DMD: variants seen among roughly 807,000 people sequenced by gnomAD.
DMD encodes the protein mutant dystrophin.
In DMD, 63 loss-of-function variants were observed where a neutral mutation model predicts 330.1. The observed-to-expected ratio is 0.19, with a 90% CI of 0.16 to 0.24. The LOEUF (loss-of-function observed/expected upper bound fraction) is 0.24. Among genes scored for constraint, DMD ranks in the 10% least tolerant of loss-of-function variants. The pLI, the probability that DMD is intolerant of heterozygous loss-of-function variation, is 1.00. For missense variants in DMD, 3,344 were observed against 2,684.1 expected (o/e 1.25, Z -5.43); for synonymous variants, 1,223 against 959.8 (o/e 1.27, Z -5.07).
rs1046148925 is a variant in DMD, at chrX:32,545,286, C to T, written c.2041G>A (p.Val681Ile). The T allele has an allele frequency of 1.7e-6, 2 of 1,210,791 alleles. No homozygotes were observed. The highest frequency in any genetic ancestry group is 1.7e-5 in the African/African-American group (1 of 57,689). Residue 681 changes from valine to isoleucine, a missense_variant, in exon 17 of 79, where the codon GTA becomes ATA. Physicochemically the swap from Val to Ile is conservative, Grantham distance 29. Coordinates refer to ENST00000357033, the MANE Select transcript of DMD (RefSeq NM_004006.3). ...GTCACCGTAGTTACTGTTTCCATTA[C>T]AGTTGTCTGTGTTAGTGATGGCTGA... ...TTQPSLTQTTVMETVTTVTTR... is the reference protein window; with the variant it reads ...TTQPSLTQTTIMETVTTVTTR...
intron 26 of DMD, among the ~76,000 whole-genome samples, chrX:32,451,017 C>A (rs1267198840): frequency 9.0e-6 from 1 of 110,791 alleles, no homozygotes; most frequent in Non-Finnish European, 1.9e-5. Context: ...CTATACAAAT[C>A]CTCATAAAAA....
intron 13 of DMD, among the ~76,000 whole-genome samples, chrX:32,587,496 G>T (rs1870765424): frequency 8.9e-6 from 1 of 111,769 alleles, no homozygotes; most frequent in Non-Finnish European, 1.9e-5. Context: ...TATTCAGATT[G>T]TTTTTTCTTA....
chrX:32,690,029 T>A (rs1180341989), intron 9 of DMD, among the ~76,000 whole-genome samples: 1 of 108,585 alleles, frequency 9.2e-6, no homozygotes, highest in Admixed American at 9.9e-5. Context: ...TTGCCACTTC[T>A]ACCGATGGCA....
chrX:33,036,468 A>G (rs1455750272), intron 1 of DMD, among the ~76,000 whole-genome samples: 1 of 110,784 alleles, frequency 9.0e-6, no homozygotes, highest in East Asian at 2.8e-4. Context: ...GAACCTTGAA[A>G]AATGGTCTCA....
intron 64 of DMD, among the ~76,000 whole-genome samples, chrX:31,215,230 C>T (rs1188689783): frequency 9.3e-6 from 1 of 107,492 alleles, no homozygotes; most frequent in Non-Finnish European, 1.9e-5. Flanking sequence ...CGTGAGCCAC[C>T]GAGCCCAGCC....
At chrX:31,456,876 G>GTGTGTGTA (rs752346201) in intron 59 of DMD, among the ~76,000 whole-genome samples, 268 of 68,698 alleles carry the variant, frequency 3.9e-3, no homozygotes, top group Non-Finnish European at 7.0e-3. Context: ...GTGTGTGTGT[G>GTGTGTGTA]TATATATATA....
intron 44 of DMD, among the ~76,000 whole-genome samples, chrX:32,152,009 G>A (rs1191379356): frequency 8.9e-6 from 1 of 111,892 alleles, no homozygotes; most frequent in Non-Finnish European, 1.9e-5. Context: ...GCCCTGACCT[G>A]TGAGTATATA....
intron 9 of DMD, among the ~76,000 whole-genome samples, chrX:32,680,760 T>G (rs770573381): frequency 9.1e-6 from 1 of 109,854 alleles, no homozygotes; most frequent in East Asian, 2.9e-4. Flanking sequence ...CCCCATCAAC[T>G]CTCCTTCCAC....
chrX:32,790,103 A>C (rs1312658686), intron 7 of DMD, among the ~76,000 whole-genome samples: 3 of 112,046 alleles, frequency 2.7e-5, no homozygotes. Context: ...TGGGGCTTCA[A>C]AATGGCTGAA....
chrX:31,995,684 T>C (rs1447739073), intron 44 of DMD, among the ~76,000 whole-genome samples: 1 of 111,264 alleles, frequency 9.0e-6, no homozygotes, highest in African/African-American at 3.3e-5. Context: ...TCATGGGTAG[T>C]CAGTACATGT....
At chrX:32,610,914 A>G (rs1413162088) in intron 12 of DMD, among the ~76,000 whole-genome samples, 2 of 111,232 alleles carry the variant, frequency 1.8e-5, no homozygotes, top group Admixed American at 9.6e-5. Context: ...CAACGACTAT[A>G]TAAATAAGGC....
intron 42 of DMD, among the ~76,000 whole-genome samples, chrX:32,288,959 A>G (rs1004032949): frequency 9.0e-6 from 1 of 111,606 alleles, no homozygotes; most frequent in African/African-American, 3.3e-5. Context: ...AAAAACCTGG[A>G]TCAGTATTCT....
At chrX:31,561,206 C>A (rs1340246183) in intron 55 of DMD, among the ~76,000 whole-genome samples, 1 of 112,119 alleles carries the variant, frequency 8.9e-6, no homozygotes, top group African/African-American at 3.2e-5. Context: ...GCCTCAGGAA[C>A]TTTCTCCAGA....
chrX:32,403,360 G>A (rs1295448239), intron 30 of DMD, among the ~76,000 whole-genome samples: 1 of 111,637 alleles, frequency 9.0e-6, no homozygotes, highest in Non-Finnish European at 1.9e-5. Context: ...TGGTGCAAAA[G>A]TAATTGCAGT....
chrX:33,165,994 T>A, intron 1 of DMD, among the ~76,000 whole-genome samples: 1 of 111,166 alleles, frequency 9.0e-6, no homozygotes, highest in Non-Finnish European at 1.9e-5. Flanking sequence ...CTGAAAGTGA[T>A]TAATGATGTT....
At chrX:31,742,002 A>T (rs919166340) in intron 51 of DMD, among the ~76,000 whole-genome samples, 1 of 112,161 alleles carries the variant, frequency 8.9e-6, no homozygotes, top group Non-Finnish European at 1.9e-5. Context: ...TTTATGTTAT[A>T]GAGAGGGCTT....
At chrX:32,040,819 G>A (rs1172218294) in intron 44 of DMD, among the ~76,000 whole-genome samples, 3 of 111,295 alleles carry the variant, frequency 2.7e-5, no homozygotes, top group Non-Finnish European at 5.7e-5. Context: ...AGCTGCATGG[G>A]CCATGCAGTG....
chrX:32,444,936 T>A lies in DMD; in HGVS notation c.3786+3520A>T, dbSNP rs191577491. 2.5e-4 allele frequency among the ~76,000 whole-genome samples: 28 copies of A among 110,956 alleles called. No individual in the cohort carries two copies. The East Asian group carries it at 6.3e-3, about 25-fold the overall frequency. On this transcript the variant is annotated intron_variant, in intron 27 of 78. Transcript: ENST00000357033. ...AGCTGTTGGTATGGCCAAGAAGGAA[T>A]CAAAAACAACTCTTTCAAACTTCTC...
At chrX:31,571,731 G>C (rs927481278) in intron 55 of DMD, among the ~76,000 whole-genome samples, 4 of 111,406 alleles carry the variant, frequency 3.6e-5, no homozygotes, top group African/African-American at 9.8e-5. Flanking sequence ...TCTTTGTTGT[G>C]GGGGGCTGTC....
Sources: gnomAD v4.1 joint callset for allele counts (sites outside exome capture counted in the v4.1 genomes callset) on GRCh38, gnomAD v4.1.1 for gene constraint, MANE v1.5 for transcripts, NCBI Gene and HGNC (gene_info 2026-07-23, HGNC 2026-07-21) for gene names.